ZNF577: variants seen among roughly 807,000 people sequenced by gnomAD.
ZNF577 encodes zinc finger protein 577.
A neutral mutation model predicts 13.9 loss-of-function variants in ZNF577; 14 were observed. The observed-to-expected ratio is 1.00, with a 90% confidence interval of 0.66 to 1.57. The LOEUF (loss-of-function observed/expected upper bound fraction) is 1.57. ZNF577 is among the 40% of genes most tolerant of loss of function. The probability of loss-of-function intolerance (pLI) is 0.00; values close to 1 mark genes in which losing one functional copy is unlikely to be tolerated. For synonymous variants in ZNF577, 203 were observed against 202.9 expected (o/e 1.00, Z 0.00); for missense variants, 555 against 579.2 (o/e 0.96, Z 0.43).
chr19:51,854,018 G>T (rs1372314007), intron 5 of ZNF577, among the ~76,000 whole-genome samples: 1 of 151,450 alleles, frequency 6.6e-6, no homozygotes, highest in African/African-American at 2.4e-5. Context: ...TCTATGTGAT[G>T]TATGTAAGGG....
rs1198697826 is a variant in ZNF577 at position 51,824,501 on chromosome 19, C to T, written c.*600-12827G>A. On this transcript the variant is annotated intron_variant and NMD_transcript_variant, in intron 9 of 10. Transcript: ENST00000638827. The surrounding 1 kb of genome is among the most constrained non-coding windows in gnomAD (Gnocchi z 4.7). ...TCGCTGCTGTGGTGGCTTCTTTCTT[C>T]ATCTGTTGGTTCCCTTATGAACTAA... 1 of 1,614,036 alleles carries T rather than the reference C, an allele frequency of 6.2e-7. No individual in the cohort carries two copies. Among genetic ancestry groups the T allele is most frequent in the Admixed American group, 1.7e-5 (1 of 60,004 alleles).
At chr19:51,864,885 A>G (rs963797623), downstream of ZNF577, among the ~76,000 whole-genome samples, 2 of 152,182 alleles carry the variant, frequency 1.3e-5, no homozygotes, top group African/African-American at 4.8e-5. Context: ...CTTTGGGAGA[A>G]GGAGATGCCC....
chr19:51,860,027 T>C (rs2084479894), intron 5 of ZNF577, among the ~76,000 whole-genome samples: 1 of 152,150 alleles, frequency 6.6e-6, no homozygotes, highest in South Asian at 2.1e-4. Flanking sequence ...ATTTATAGAA[T>C]ATTCTCTGGA....
At chr19:51,841,173 T>C (rs2084318426) in intron 8 of ZNF577, among the ~76,000 whole-genome samples, 1 of 152,140 alleles carries the variant, frequency 6.6e-6, no homozygotes, top group Non-Finnish European at 1.5e-5. Flanking sequence ...AACACCACTT[T>C]CCGCGGGAAT....
chr19:51,870,792 T>C lies in ZNF577; in HGVS notation c.*1740A>G, dbSNP rs116020733. Among the ~76,000 whole-genome samples, 1,206 of 152,210 alleles carry C rather than the reference T, an allele frequency of 7.9e-3. 16 individuals are homozygous for C. The highest frequency in any genetic ancestry group is 0.028 in the African/African-American group (1,160 of 41,522). On this transcript the variant is annotated 3_prime_UTR_variant, in exon 6 of 6. Coordinates refer to ENST00000638348, the MANE Select transcript of ZNF577 (RefSeq NM_001370449.1). ...TTCAGAGAGATGGCTGGGATCTGCT[T>C]GGGTTTCTCCTCCCAATCCTGCAGA... is the stretch of plus-strand genomic sequence containing the variant.
At position 51,823,628 on chromosome 19, in the gene ZNF577, T is replaced by C. The variant is rs1338742568; in HGVS notation, c.*600-11954A>G. ...TTTATGTTATAACCATTCACAAGGCTCACTGGGGAGGGTCTGCTGGTAGGA... is the reference window on the plus strand; with the variant it reads ...TTTATGTTATAACCATTCACAAGGCCCACTGGGGAGGGTCTGCTGGTAGGA... On this transcript the variant is annotated intron_variant and NMD_transcript_variant, in intron 9 of 10. Coordinates refer to the ZNF577 transcript ENST00000638827. 3 of 815,740 alleles carry C rather than the reference T, an allele frequency of 3.7e-6. No homozygotes were observed. The East Asian group carries it at 8.0e-5, about 22-fold the overall frequency. The allele number at this position is 815,740 out of a possible 1,614,324, so 50.5% of individuals were successfully genotyped here.
intron 5 of ZNF577, among the ~76,000 whole-genome samples, chr19:51,873,930 T>G (rs940474610): frequency 2.6e-5 from 4 of 152,220 alleles, no homozygotes; most frequent in Admixed American, 1.3e-4. Flanking sequence ...ATGATAATTT[T>G]TTGTGGAGGT....
chr19:51,808,792 G>A (rs1599833392), intron 10 of ZNF577, among the ~76,000 whole-genome samples: 1 of 152,178 alleles, frequency 6.6e-6, no homozygotes, highest in African/African-American at 2.4e-5. Context: ...TGTAGTAGTC[G>A]CCATCTTCCG....
At chr19:51,839,996 T>G (rs186026734) in exon 9 of ZNF577, 1 of 152,330 alleles carries the variant, frequency 6.6e-6, no homozygotes, top group Non-Finnish European at 1.5e-5. Flanking sequence ...CAGTAGCACC[T>G]TCGCGGAACA....
At chr19:51,815,467 G>A (rs1382877591) in intron 9 of ZNF577, among the ~76,000 whole-genome samples, 1 of 152,044 alleles carries the variant, frequency 6.6e-6, no homozygotes. Context: ...GACTGAGGCA[G>A]GAGAATTGCT....
rs770881384 is a variant in ZNF577, at chr19:51,868,017, A to C, written c.*4515T>G. Among the ~76,000 whole-genome samples the C allele has an allele frequency of 2.6e-5, 4 of 152,170 alleles. No homozygotes were observed. Among genetic ancestry groups the C allele is most frequent in the Non-Finnish European group, 5.9e-5 (4 of 68,044 alleles). On this transcript the variant is annotated 3_prime_UTR_variant, in exon 6 of 6. Transcript: ENST00000638348. ...GAGCTGACACTGGATTTCTACTCTG[A>C]GGTCTGGCAGGTTCTAGTATTTACA... is the stretch of plus-strand genomic sequence containing the variant.
Position 51,811,518 on chromosome 19 carries a change from T to A in ZNF577, c.*756A>T, listed in dbSNP as rs554608477. On this transcript the variant is annotated 3_prime_UTR_variant and NMD_transcript_variant, in exon 10 of 11. Coordinates refer to the ZNF577 transcript ENST00000638827. ...ACTCATCCCAGGGTCCCCATTTGCG[T>A]TGTCAATTTCAGTTCCTCTATTCCA... 6.6e-5 allele frequency: 10 copies of A among 152,338 alleles called. No individual in the cohort carries two copies. In the East Asian group the frequency reaches 1.7e-3, roughly 26 times the overall value. 9.4% of individuals were successfully genotyped at this position (152,338 alleles called of 1,614,324 possible).
At chr19:51,812,821 G>C (rs747999725) in intron 9 of ZNF577, among the ~76,000 whole-genome samples, 22 of 152,228 alleles carry the variant, frequency 1.4e-4, no homozygotes, top group East Asian at 5.8e-4. Flanking sequence ...TGGATAATTT[G>C]TAAACAACAT....
At chr19:51,860,053 ATT>A (rs1367536171) in intron 5 of ZNF577, among the ~76,000 whole-genome samples, 2 of 152,148 alleles carry the variant, frequency 1.3e-5, no homozygotes, top group Non-Finnish European at 2.9e-5. Flanking sequence ...TTCTATAATA[ATT>A]ATGCAAAACC....
intron 5 of ZNF577, among the ~76,000 whole-genome samples, chr19:51,857,378 G>GAAAGA (rs1280054962): frequency 2.0e-5 from 2 of 98,590 alleles, no homozygotes; most frequent in Non-Finnish European, 3.9e-5. Context: ...AAGAAAGAAA[G>GAAAGA]AAAGAAAGAA....
At chr19:51,813,153 CACACACA>C (rs2084109643) in intron 9 of ZNF577, among the ~76,000 whole-genome samples, 7 of 151,342 alleles carry the variant, frequency 4.6e-5, no homozygotes, top group Admixed American at 1.3e-4. Context: ...CACACACACA[CACACACA>C]CCCCATAAAT....
chr19:51,834,058 GAT>G (rs904693410), intron 9 of ZNF577, among the ~76,000 whole-genome samples: 8 of 122,278 alleles, frequency 6.5e-5, no homozygotes, highest in African/African-American at 2.5e-4. Context: ...ACACACAATA[GAT>G]TTTTTTTTTT....
intron 5 of ZNF577, among the ~76,000 whole-genome samples, chr19:51,874,580 T>A (rs2122672843): frequency 6.6e-6 from 1 of 152,298 alleles, no homozygotes; most frequent in Non-Finnish European, 1.5e-5. Flanking sequence ...GCTGGCAGGA[T>A]TAAAAACATG....
chr19:51,845,485 G>A (rs1206548214), intron 5 of ZNF577, among the ~76,000 whole-genome samples: 1 of 150,564 alleles, frequency 6.6e-6, no homozygotes, highest in Admixed American at 6.6e-5. Context: ...GCAAAACTCT[G>A]CCTCAAAAAA....
Sources: allele counts gnomAD v4.1 joint callset (sites outside exome capture counted in the v4.1 genomes callset), GRCh38; gene constraint gnomAD v4.1.1; non-coding constraint Gnocchi (gnomAD v3.1); transcripts MANE v1.5; gene names NCBI Gene and HGNC (gene_info 2026-07-23, HGNC 2026-07-21).